CPZ: variants seen among roughly 807,000 people sequenced by gnomAD.
The protein encoded by CPZ is VEZT/CPZ fusion.
Under a neutral mutation model 61.8 loss-of-function variants are expected in CPZ, and 103 were observed. The observed-to-expected ratio is 1.67, with a 90% CI of 1.42 to 1.96. CPZ has a LOEUF of 1.96. Ranked by LOEUF, CPZ falls within the 30% of genes most tolerant of loss-of-function variation. The pLI, the probability that CPZ is intolerant of heterozygous loss-of-function variation, is 0.00. For missense variants in CPZ, 1,461 were observed against 914.9 expected (o/e 1.60, Z -7.70); for synonymous variants, 551 against 373.7 (o/e 1.47, Z -5.47).
At position 8,601,160 on chromosome 4, in the gene CPZ, T is replaced by A. The variant is rs1401353165; in HGVS notation, c.159T>A (p.Asp53Glu). The A allele has an allele frequency of 6.3e-7, 1 of 1,598,486 alleles. No homozygotes were observed. Among genetic ancestry groups the A allele is most frequent in the Non-Finnish European group, 8.6e-7 (1 of 1,169,294 alleles). The change falls in exon 3 of 11, where the codon GAT becomes GAA. Residue 53 changes from aspartate to glutamate, a missense_variant. Transcript: ENST00000360986. Reference sequence around the variant, plus strand: ...ACCTGCAGCTCAGGACCTGCAGCGATGCCGCCTACAACCACACCACCTTCC... The same window carrying A: ...ACCTGCAGCTCAGGACCTGCAGCGAAGCCGCCTACAACCACACCACCTTCC... ...CVDLQLRTCS[D>E]AAYNHTTFPN...
chr4:8,611,756 G>C (rs552475954), intron 7 of CPZ, among the ~76,000 whole-genome samples: 1 of 152,010 alleles, frequency 6.6e-6, no homozygotes, highest in Non-Finnish European at 1.5e-5. Flanking sequence ...TACCCGGCCA[G>C]GTGTGCAGAG....
Position 8,612,176 on chromosome 4 carries a change from A to G in CPZ, c.1363+14A>G. ...GCTTCACGGGAGGTGCGGCTTCCGC[A>G]GGGCGGGACTGGGCGGGGGGTGGGG... On this transcript the variant is annotated intron_variant, in intron 8 of 10. Transcript: ENST00000360986. The G allele has an allele frequency of 2.6e-6, 1 of 378,024 alleles. No individual in the cohort carries two copies. The highest frequency in any genetic ancestry group is 8.8e-5 in the South Asian group (1 of 11,412). The allele number at this position is 378,024 out of a possible 1,614,324, so 23.4% of individuals were successfully genotyped here. A position where few individuals can be genotyped will look rare whatever the true frequency, so the allele number is the denominator to read the frequency against.
At chr4:8,601,834 C>T in intron 3 of CPZ, 1 of 231,164 alleles carries the variant, frequency 4.3e-6, no homozygotes, top group Non-Finnish European at 8.4e-6. Flanking sequence ...TGTGGGGGAG[C>T]CTGGGCTCAG....
Position 8,604,103 on chromosome 4 carries a change from C to G in CPZ, c.624C>G (p.Ala208=), listed in dbSNP as rs756983010. The G allele has an allele frequency of 6.2e-7, 1 of 1,606,470 alleles. No homozygotes were observed. Among genetic ancestry groups the G allele is most frequent in the Non-Finnish European group, 8.5e-7 (1 of 1,177,264 alleles). ...CGGCCTCCCGCTGCGCCCACGTGGC[C>G]AGGACCTACAGCATCGGGCGCAGCT... The part of the protein sequence containing the change: ...RRTASRCAHV[A]RTYSIGRSFD... The change falls in exon 4 of 11, where the codon GCC becomes GCG. Residue 208 remains alanine (A), a synonymous_variant. Transcript: ENST00000360986.
At chr4:8,609,174 A>G (rs1419127333) in intron 7 of CPZ, among the ~76,000 whole-genome samples, 1 of 68,662 alleles carries the variant, frequency 1.5e-5, no homozygotes, top group African/African-American at 5.1e-5. Context: ...TCACTCACCC[A>G]TTCACTCAGG....
intron 9 of CPZ, among the ~76,000 whole-genome samples, chr4:8,616,340 T>A (rs942758994): frequency 6.6e-6 from 1 of 151,954 alleles, no homozygotes; most frequent in African/African-American, 2.4e-5. Context: ...GTGCCCTGTG[T>A]TTCATGAAGG....
intron 1 of CPZ, among the ~76,000 whole-genome samples, chr4:8,598,147 C>T (rs1336654446): frequency 6.6e-6 from 1 of 152,204 alleles, no homozygotes; most frequent in African/African-American, 2.4e-5. Context: ...AACGGGAGCT[C>T]TCCTAGGAGT....
intron 7 of CPZ, among the ~76,000 whole-genome samples, chr4:8,608,870 A>C (rs1387453355): frequency 1.3e-5 from 2 of 152,138 alleles, no homozygotes; most frequent in Non-Finnish European, 2.9e-5. Context: ...GCCCATGCCG[A>C]GTGCTGTGGC....
chr4:8,601,259 C>T lies in CPZ; in HGVS notation c.258C>T (p.His86=), dbSNP rs897400541. The part of the protein sequence containing the change: ...SSEYILLSVL[H]QLLEGQCNPD... ...AGTACATCCTGCTGAGCGTTCTACA[C>T]CAGCTCCTGGAAGGCCAGTGCAACC... is the stretch of plus-strand genomic sequence containing the variant. The change falls in exon 3 of 11, where the codon CAC becomes CAT. Residue 86 remains histidine (H), a synonymous_variant. Transcript: ENST00000360986. The T allele has an allele frequency of 1.2e-6, 2 of 1,613,478 alleles. No homozygotes were observed. Among genetic ancestry groups the T allele is most frequent in the Admixed American group, 1.7e-5 (1 of 60,006 alleles).
chr4:8,608,373 A>C (rs1715233267), intron 7 of CPZ, among the ~76,000 whole-genome samples: 1 of 152,098 alleles, frequency 6.6e-6, no homozygotes, highest in African/African-American at 2.4e-5. Flanking sequence ...CTGGGTGGGC[A>C]AGTGCCAGGT....
At chr4:8,613,908 G>A (rs549790864) in intron 8 of CPZ, among the ~76,000 whole-genome samples, 2 of 152,272 alleles carry the variant, frequency 1.3e-5, no homozygotes, top group Non-Finnish European at 2.9e-5. Flanking sequence ...CAGGCCAGCA[G>A]CTGGGATGCC....
intron 9 of CPZ, among the ~76,000 whole-genome samples, chr4:8,617,473 T>G (rs989306451): frequency 1.3e-5 from 2 of 152,194 alleles, no homozygotes; most frequent in African/African-American, 4.8e-5. Context: ...TCCCTCCATA[T>G]AAAGTATTTA....
intron 2 of CPZ, among the ~76,000 whole-genome samples, chr4:8,600,122 A>G (rs1714463401): frequency 6.6e-6 from 1 of 152,126 alleles, no homozygotes; most frequent in Non-Finnish European, 1.5e-5. Flanking sequence ...TAAAATGTCT[A>G]TTTTATTTTA....
At chr4:8,596,388 G>C (rs893501874) in intron 1 of CPZ, among the ~76,000 whole-genome samples, 1 of 152,216 alleles carries the variant, frequency 6.6e-6, no homozygotes, top group Non-Finnish European at 1.5e-5. Flanking sequence ...CGCTTTGCTA[G>C]GGCAGCCCTG....
chr4:8,614,408 A>T lies in CPZ; in HGVS notation c.1413A>T (p.Val471=). 1 of 1,614,028 alleles carries T rather than the reference A, an allele frequency of 6.2e-7. No homozygotes were observed. Among genetic ancestry groups the T allele is most frequent in the Non-Finnish European group, 8.5e-7 (1 of 1,179,948 alleles). Reference sequence around the variant, plus strand: ...ACACCAACTGCTTTGAGATCACGGTAGAGCTGGGCTGTGTGAAGTTCCCCC... The same window carrying T: ...ACACCAACTGCTTTGAGATCACGGTTGAGCTGGGCTGTGTGAAGTTCCCCC... ...YLHTNCFEIT[V]ELGCVKFPPE... is the part of the protein sequence containing the mutation. Residue 471 remains valine, a synonymous_variant, in exon 9 of 11, where the codon GTA becomes GTT. Coordinates refer to ENST00000360986, the MANE Select transcript of CPZ (RefSeq NM_001014447.3).
Position 8,592,780 on chromosome 4 carries a change from C to G in CPZ, c.-54C>G. The G allele has an allele frequency of 1.6e-6, 2 of 1,273,012 alleles. No individual in the cohort carries two copies. Among genetic ancestry groups the G allele is most frequent in the Non-Finnish European group, 2.0e-6 (2 of 984,334 alleles). 78.9% of individuals were successfully genotyped at this position (1,273,012 alleles called of 1,614,324 possible). On this transcript the variant is annotated 5_prime_UTR_variant, in exon 1 of 11. Coordinates refer to ENST00000360986, the MANE Select transcript of CPZ (RefSeq NM_001014447.3). ...CAGCGAGCGCAGAGCCCCGGCCCCG[C>G]GCGGCCCGAGTGCCACATCACTGCG...
intron 4 of CPZ, among the ~76,000 whole-genome samples, chr4:8,604,866 A>G (rs1326821767): frequency 6.6e-6 from 1 of 152,216 alleles, no homozygotes; most frequent in African/African-American, 2.4e-5. Flanking sequence ...TGGCAGCCTC[A>G]GCCAGTCTTC....
chr4:8,617,522 A>G (rs1440636086), intron 9 of CPZ, among the ~76,000 whole-genome samples: 1 of 152,228 alleles, frequency 6.6e-6, no homozygotes, highest in Non-Finnish European at 1.5e-5. Flanking sequence ...AATATATAGG[A>G]AAACAGTCTC....
chr4:8,597,614 C>T (rs1318146849), intron 1 of CPZ: 1 of 152,346 alleles, frequency 6.6e-6, no homozygotes, highest in East Asian at 1.9e-4. Context: ...CACTGCAGCA[C>T]CCCTCTTGGG....
Sources: allele counts gnomAD v4.1 joint callset (sites outside exome capture counted in the v4.1 genomes callset), GRCh38; gene constraint gnomAD v4.1.1; transcripts MANE v1.5; gene names NCBI Gene and HGNC (gene_info 2026-07-23, HGNC 2026-07-21).